ROBO2: variants seen among roughly 807,000 people sequenced by gnomAD.
ROBO2 encodes roundabout homolog 2.
In ROBO2, 53 loss-of-function variants were observed where a neutral mutation model predicts 160.8. That is an observed-to-expected ratio of 0.33 (90% confidence interval 0.26 to 0.41). The LOEUF (loss-of-function observed/expected upper bound fraction) is 0.41. ROBO2 is among the 10% of genes least tolerant of loss of function. ROBO2 has a pLI of 1.00. For missense variants in ROBO2, 1,577 were observed against 1,722.4 expected, an observed-to-expected ratio of 0.92 and a Z score of 1.49; for synonymous variants, 664 against 611.7, an observed-to-expected ratio of 1.09 and a Z score of -1.26.
chr3:76,194,689 G>T (rs1056171817), intron 2 of ROBO2, among the ~76,000 whole-genome samples: 1 of 151,002 alleles, frequency 6.6e-6, no homozygotes, highest in Non-Finnish European at 1.5e-5. Flanking sequence ...GCACAATCTC[G>T]ACTCACTGCA....
intron 2 of ROBO2, among the ~76,000 whole-genome samples, chr3:76,639,896 A>C (rs1325934000): frequency 6.6e-6 from 1 of 152,210 alleles, no homozygotes; most frequent in African/African-American, 2.4e-5. Flanking sequence ...GTGAAGAGCT[A>C]ATCTAACTTT....
At chr3:77,634,931 C>T (rs2095238111) in exon 24 of ROBO2, 3 of 1,614,136 alleles carry the variant, frequency 1.9e-6, no homozygotes, top group Non-Finnish European at 2.5e-6. Context: ...CTGACAGTAA[C>T]ACCAGTGCAG....
intron 2 of ROBO2, among the ~76,000 whole-genome samples, chr3:77,443,617 T>C (rs1054461201): frequency 1.3e-5 from 2 of 152,012 alleles, no homozygotes; most frequent in Admixed American, 6.5e-5. Context: ...ATAGAAGAAA[T>C]TGAGAAAAAT....
chr3:76,889,790 G>A (rs1402036540), intron 2 of ROBO2, among the ~76,000 whole-genome samples: 1 of 152,172 alleles, frequency 6.6e-6, no homozygotes, highest in African/African-American at 2.4e-5. Context: ...TTGGGGAAAA[G>A]CTGGTTGGGT....
At chr3:77,053,270 A>G (rs1218724961) in intron 1 of ROBO2, among the ~76,000 whole-genome samples, 1 of 152,192 alleles carries the variant, frequency 6.6e-6, no homozygotes, top group Non-Finnish European at 1.5e-5. Context: ...TAATATTTAG[A>G]CAGTAAATTA....
At chr3:76,568,808 T>C (rs930939983) in intron 2 of ROBO2, among the ~76,000 whole-genome samples, 1 of 152,202 alleles carries the variant, frequency 6.6e-6, no homozygotes, top group East Asian at 1.9e-4. Flanking sequence ...TGTCACCTCT[T>C]ATCTAATAGA....
At chr3:76,253,344 C>A (rs1162970045) in intron 2 of ROBO2, among the ~76,000 whole-genome samples, 1 of 151,966 alleles carries the variant, frequency 6.6e-6, no homozygotes, top group Non-Finnish European at 1.5e-5. Flanking sequence ...ATGACCACAG[C>A]TCACTGAAGT....
chr3:77,016,427 A>G (rs1416142481), intron 2 of ROBO2, among the ~76,000 whole-genome samples: 1 of 152,174 alleles, frequency 6.6e-6, no homozygotes, highest in African/African-American at 2.4e-5. Context: ...CATTGCAAAT[A>G]CCACATTTTC....
At chr3:77,134,518 A>G (rs965168377) in intron 2 of ROBO2, among the ~76,000 whole-genome samples, 5 of 152,182 alleles carry the variant, frequency 3.3e-5, no homozygotes, top group African/African-American at 1.2e-4. Flanking sequence ...TTAACTTAGG[A>G]TTGGGTTTTT....
At chr3:77,193,274 TC>T (rs200588895) in intron 2 of ROBO2, among the ~76,000 whole-genome samples, 27 of 135,650 alleles carry the variant, frequency 2.0e-4, no homozygotes, top group Middle Eastern at 4.1e-3. Context: ...AACAGATAAT[TC>T]AAAAAAAAAA....
intron 2 of ROBO2, among the ~76,000 whole-genome samples, chr3:76,417,966 G>A (rs1280717061): frequency 6.6e-6 from 1 of 151,802 alleles, no homozygotes; most frequent in Admixed American, 6.6e-5. Context: ...AATAACTTTT[G>A]CACCAACCTT....
chr3:76,530,715 G>A (rs977154238), intron 2 of ROBO2, among the ~76,000 whole-genome samples: 1 of 152,158 alleles, frequency 6.6e-6, no homozygotes, highest in Non-Finnish European at 1.5e-5. Flanking sequence ...CCAGTGAAAT[G>A]TGTGCACAAA....
chr3:76,470,093 C>T (rs1201537301), intron 2 of ROBO2, among the ~76,000 whole-genome samples: 1 of 152,164 alleles, frequency 6.6e-6, no homozygotes, highest in Non-Finnish European at 1.5e-5. Flanking sequence ...CTTAGATCTG[C>T]TCCATTCCAT....
intron 2 of ROBO2, chr3:76,435,294 G>T: frequency 9.5e-7 from 1 of 1,052,468 alleles, no homozygotes; most frequent in Non-Finnish European, 1.5e-6. Context: ...GATAGTCAGT[G>T]CCAAATCTTC....
intron 2 of ROBO2, among the ~76,000 whole-genome samples, chr3:77,475,149 A>G (rs190867291): frequency 2.6e-5 from 4 of 152,248 alleles, no homozygotes; most frequent in Admixed American, 2.6e-4. Flanking sequence ...ACACAAATGG[A>G]TTTACTGAGT....
At chr3:76,484,376 G>GA (rs943201023) in intron 2 of ROBO2, among the ~76,000 whole-genome samples, 20 of 152,046 alleles carry the variant, frequency 1.3e-4, no homozygotes, top group African/African-American at 4.8e-4. Context: ...TAAAAAATAA[G>GA]AAAAAAACAC....
At chr3:77,184,318 A>C (rs1248400218) in intron 2 of ROBO2, among the ~76,000 whole-genome samples, 2 of 152,074 alleles carry the variant, frequency 1.3e-5, no homozygotes, top group Non-Finnish European at 2.9e-5. Flanking sequence ...AAAAATTTTG[A>C]AGCAGCTATG....
intron 2 of ROBO2, among the ~76,000 whole-genome samples, chr3:76,145,985 T>C (rs898095357): frequency 5.3e-5 from 8 of 152,062 alleles, no homozygotes; most frequent in African/African-American, 1.9e-4. Context: ...CTTAATTTCG[T>C]TGATTCCACT....
At chr3:77,222,897 C>T (rs946653563) in intron 2 of ROBO2, among the ~76,000 whole-genome samples, 1 of 152,184 alleles carries the variant, frequency 6.6e-6, no homozygotes, top group African/African-American at 2.4e-5. Flanking sequence ...AAAGCTGTAG[C>T]TCCCAAGGAG....
Sources: allele counts gnomAD v4.1 joint callset (sites outside exome capture counted in the v4.1 genomes callset), GRCh38; gene constraint gnomAD v4.1.1; transcripts MANE v1.5; gene names NCBI Gene and HGNC (gene_info 2026-07-23, HGNC 2026-07-21).